The following SLC33A1 variants were observed in gnomAD, a reference collection of about 807,000 sequenced individuals.
SLC33A1 encodes solute carrier family 33 member 1.
SLC33A1 carries 20 observed loss-of-function variants against 50.0 expected under a neutral mutation model. The ratio of observed to expected loss-of-function variants is 0.40; its 90% CI spans 0.28 to 0.58. SLC33A1 has a LOEUF of 0.58. Among genes scored for constraint, SLC33A1 ranks in the 20% least tolerant of loss-of-function variants. The probability of loss-of-function intolerance (pLI) is 0.44; values close to 1 mark genes in which losing one functional copy is unlikely to be tolerated. For synonymous variants in SLC33A1, 265 were observed against 251.8 expected (o/e 1.05, Z -0.50); for missense variants, 476 against 657.0 (o/e 0.72, Z 3.01).
intron 2 of SLC33A1, among the ~76,000 whole-genome samples, chr3:155,840,971 G>A (rs1055613530): frequency 6.6e-5 from 10 of 151,624 alleles, no homozygotes; most frequent in Non-Finnish European, 8.8e-5. Context: ...GTGACAGAGC[G>A]AGACTTTGTC....
In SLC33A1 at chr3:155,828,234, C is replaced by T. The variant is rs1163944109; in HGVS notation, c.1626G>A (p.Ser542=). The T allele has an allele frequency of 3.1e-6, 5 of 1,613,034 alleles. No homozygotes were observed. Among genetic ancestry groups the T allele is most frequent in the East Asian group, 2.2e-5 (1 of 44,822 alleles). The change falls in exon 6 of 6, where the codon TCG becomes TCA. Residue 542 remains serine, a synonymous_variant. Coordinates refer to ENST00000643144, the MANE Select transcript of SLC33A1 (RefSeq NM_004733.4). ...ATTAATTGTTCCTTTTGCATTTCCACGAAGATGATCCTTCATCCTGTAACT... is the reference window on the plus strand; with the variant it reads ...ATTAATTGTTCCTTTTGCATTTCCATGAAGATGATCCTTCATCCTGTAACT... ...FKKLQDEGSS[S]WKCKRNN
chr3:155,840,543 C>T (rs1021194632), intron 2 of SLC33A1, among the ~76,000 whole-genome samples: 4 of 151,778 alleles, frequency 2.6e-5, no homozygotes, highest in South Asian at 2.1e-4. Flanking sequence ...AATTGCCAGG[C>T]GCGGTGGCTC....
rs1248079700 is a variant in SLC33A1, at chr3:155,824,674, G to A, written c.*3536C>T. ...ACTATTACCTCAGATTTGTGATTATGGCTTATAGTACGGTCTACTTTCAAA... is the reference window on the plus strand; with the variant it reads ...ACTATTACCTCAGATTTGTGATTATAGCTTATAGTACGGTCTACTTTCAAA... On this transcript the variant is annotated 3_prime_UTR_variant, in exon 6 of 6. Transcript: ENST00000643144. 4 of 151,430 alleles carry A rather than the reference G, an allele frequency of 2.6e-5. No homozygotes were observed. Among genetic ancestry groups the A allele is most frequent in the Non-Finnish European group, 5.9e-5 (4 of 67,916 alleles). 9.4% of individuals were successfully genotyped at this position (151,430 alleles called of 1,614,324 possible).
At position 155,830,518 on chromosome 3, in the gene SLC33A1, T is replaced by C. The variant is rs114405082; in HGVS notation, c.1267-615A>G. On this transcript the variant is annotated intron_variant, in intron 4 of 5. Transcript: ENST00000643144. ...ATAATTATAAATACAGGAAGTACTG[T>C]AAATAGAAGTGCACACATTGTGTTA... Among the ~76,000 whole-genome samples, 873 of 152,170 alleles carry C rather than the reference T, an allele frequency of 5.7e-3. 7 individuals carry two copies. Among genetic ancestry groups the C allele is most frequent in the African/African-American group, 0.02 (834 of 41,550 alleles).
rs902796519 is a variant in SLC33A1 at position 155,826,957 on chromosome 3, T to C, written c.*1253A>G. On this transcript the variant is annotated 3_prime_UTR_variant, in exon 6 of 6. Transcript: ENST00000643144. ...ATCTCTAAAGAGTCAGAGTAATACA[T>C]AACACAAAACATGCAAAGAACCTTA... The C allele has an allele frequency of 6.6e-6, 1 of 152,200 alleles. No homozygotes were observed. Among genetic ancestry groups the C allele is most frequent in the African/African-American group, 2.4e-5 (1 of 41,458 alleles). The allele number at this position is 152,200 out of a possible 1,614,324, so 9.4% of individuals were successfully genotyped here. A position where few individuals can be genotyped will look rare whatever the true frequency, so the allele number is the denominator to read the frequency against.
intron 1 of SLC33A1, among the ~76,000 whole-genome samples, chr3:155,852,132 G>A (rs929646879): frequency 2.6e-5 from 4 of 152,048 alleles, no homozygotes; most frequent in African/African-American, 9.7e-5. Flanking sequence ...TTTTCTAGTT[G>A]TTACAAAAGT....
chr3:155,853,330 G>C lies in SLC33A1; in HGVS notation c.668C>G (p.Ala223Gly). Residue 223 changes from alanine to glycine, a missense_variant, in exon 1 of 6, where the codon GCG becomes GGG. Transcript: ENST00000643144. ...CAAAACATTGCCCAAAAAGTAACCCGCTGTTTGGCCCACCGAATTGCAAGT... is the reference window on the plus strand; with the variant it reads ...CAAAACATTGCCCAAAAAGTAACCCCCTGTTTGGCCCACCGAATTGCAAGT... ...ASTCNSVGQT[A>G]GYFLGNVLFL... 6.2e-7 allele frequency: 1 copy of C among 1,613,994 alleles called. No homozygotes were observed. The highest frequency in any genetic ancestry group is 1.1e-5 in the South Asian group (1 of 91,090).
At chr3:155,828,998 T>G (rs563792880) in intron 5 of SLC33A1, among the ~76,000 whole-genome samples, 1 of 151,556 alleles carries the variant, frequency 6.6e-6, no homozygotes, top group Admixed American at 6.6e-5. Flanking sequence ...CGCCTCCCAG[T>G]TCTAGCAATT....
rs1752147681 is a variant in SLC33A1, at chr3:155,823,984, G to C, written c.*4226C>G. 1 of 152,122 alleles carries C rather than the reference G, an allele frequency of 6.6e-6. No homozygotes were observed. The highest frequency in any genetic ancestry group is 1.5e-5 in the Non-Finnish European group (1 of 68,084). 9.4% of individuals were successfully genotyped at this position (152,122 alleles called of 1,614,324 possible). A position where few individuals can be genotyped will look rare whatever the true frequency, so the allele number is the denominator to read the frequency against. On this transcript the variant is annotated 3_prime_UTR_variant, in exon 6 of 6. Coordinates refer to ENST00000643144, the MANE Select transcript of SLC33A1 (RefSeq NM_004733.4). ...CCACCTCGGCCTCCCAAAGGGTTGG[G>C]ATTACAGGCGTGAGCCACCATGCCC...
chr3:155,850,819 G>A (rs1753368049), intron 1 of SLC33A1, among the ~76,000 whole-genome samples: 3 of 151,700 alleles, frequency 2.0e-5, no homozygotes, highest in Admixed American at 1.3e-4. Flanking sequence ...GTTTTGCCAT[G>A]TTGGCCAGGT....
chr3:155,843,189 T>C (rs407258), intron 1 of SLC33A1, among the ~76,000 whole-genome samples: 31,391 of 152,000 alleles, frequency 0.21, 3,780 homozygotes, highest in South Asian at 0.41. Context: ...CTGAGTTGAA[T>C]GAACAAAAGC....
chr3:155,829,351 T>C (rs1372949419), intron 5 of SLC33A1, among the ~76,000 whole-genome samples: 1 of 152,224 alleles, frequency 6.6e-6, no homozygotes, highest in African/African-American at 2.4e-5. Context: ...GTTATAGGAA[T>C]AGCCAATGGA....
intron 2 of SLC33A1, 130 bp from the exon 3 acceptor site, chr3:155,834,171 A>G: frequency 1.4e-6 from 1 of 695,662 alleles, no homozygotes; most frequent in Non-Finnish European, 2.5e-6. Flanking sequence ...GCATCATATT[A>G]TTATACCTGG....
At chr3:155,830,801 T>A (rs1752396250) in intron 4 of SLC33A1, among the ~76,000 whole-genome samples, 1 of 152,104 alleles carries the variant, frequency 6.6e-6, no homozygotes, top group South Asian at 2.1e-4. Context: ...TTCTCCTACA[T>A]ATACACAAGA....
chr3:155,848,092 T>C (rs902677845), intron 1 of SLC33A1, among the ~76,000 whole-genome samples: 2 of 152,136 alleles, frequency 1.3e-5, no homozygotes, highest in African/African-American at 4.8e-5. Flanking sequence ...CCTGAAGACA[T>C]AGATTAGATA....
At position 155,833,533 on chromosome 3, in the gene SLC33A1, C is replaced by T. The variant is rs772246767; in HGVS notation, c.1201G>A (p.Glu401Lys). ...ALLVWWTPKV[E>K]HQGGFPIYYY... is the part of the protein sequence containing the mutation. The stretch of plus-strand genomic sequence containing the variant: ...TATATAGGGAATCCCCCTTGATGTT[C>T]TACTTTAGGAGTCCACCAAACCAGT... The change falls in exon 4 of 6, where the codon GAA (glutamate) becomes AAA (lysine). Residue 401 changes from glutamate to lysine, a missense_variant. Transcript: ENST00000643144. 1 of 1,605,288 alleles carries T rather than the reference C, an allele frequency of 6.2e-7. No homozygotes were observed. The highest frequency in any genetic ancestry group is 2.2e-5 in the East Asian group (1 of 44,806).
Position 155,827,905 on chromosome 3 carries a change from T to A in SLC33A1, c.*305A>T, listed in dbSNP as rs1393899636. The A allele has an allele frequency of 3.2e-6, 1 of 310,112 alleles. No homozygotes were observed. Among genetic ancestry groups the A allele is most frequent in the Non-Finnish European group, 6.1e-6 (1 of 163,644 alleles). 19.2% of individuals were successfully genotyped at this position (310,112 alleles called of 1,614,324 possible). ...TGACTACATGGTTACCACCCGTGAC[T>A]ACTGCATTGCAGCTTAAAACATGCT... On this transcript the variant is annotated 3_prime_UTR_variant, in exon 6 of 6. Coordinates refer to ENST00000643144, the MANE Select transcript of SLC33A1 (RefSeq NM_004733.4).
At chr3:155,844,453 ATATATTTTTTTTTTTT>A (rs1469865545) in intron 1 of SLC33A1, among the ~76,000 whole-genome samples, 4 of 25,206 alleles carry the variant, frequency 1.6e-4, no homozygotes, top group African/African-American at 4.9e-4. Context: ...ATATATATAT[ATATATTTTTTTTTTTT>A]TTTTTTTTTT....
chr3:155,835,302 ATACATTTTCAAGAAG>A (rs1752602890), intron 2 of SLC33A1, among the ~76,000 whole-genome samples: 2 of 152,242 alleles, frequency 1.3e-5, no homozygotes, highest in African/African-American at 4.8e-5. Flanking sequence ...AGTTCTACTA[ATACATTTTCAAGAAG>A]TGTGAAGTTA....
Sources: gnomAD v4.1 joint callset for allele counts (sites outside exome capture counted in the v4.1 genomes callset) on GRCh38, gnomAD v4.1.1 for gene constraint, MANE v1.5 for transcripts, NCBI Gene and HGNC (gene_info 2026-07-23, HGNC 2026-07-21) for gene names.